The following PDE6B variants were observed in gnomAD, a reference collection of about 807,000 sequenced individuals.
PDE6B encodes phosphodiesterase 6B.
A neutral mutation model predicts 109.0 loss-of-function variants in PDE6B; 106 were observed. That is an observed-to-expected ratio of 0.97 (90% CI 0.83 to 1.14). PDE6B has a LOEUF of 1.14. Among genes scored for constraint, PDE6B ranks in the 50% most tolerant of loss-of-function variants. The probability of loss-of-function intolerance (pLI) is 0.00; values close to 1 mark genes in which losing one functional copy is unlikely to be tolerated. For synonymous variants in PDE6B, 490 were observed against 471.3 expected (o/e 1.04, Z -0.51); for missense variants, 1,193 against 1,155.6 (o/e 1.03, Z -0.47).
chr4:670,108 G>C lies in PDE6B; in HGVS notation c.*1G>C. On this transcript the variant is annotated 3_prime_UTR_variant, in exon 22 of 22. Transcript: ENST00000496514. ...GTCTTCAACCTGCTGTATCCTGTGA[G>C]CACTGGTCCCATGGGGACCCTATGG... 2 of 1,611,850 alleles carry C rather than the reference G, an allele frequency of 1.2e-6. No individual in the cohort carries two copies. The highest frequency in any genetic ancestry group is 4.5e-5 in the East Asian group (2 of 44,872).
chr4:664,733 G>T (rs907871858), intron 17 of PDE6B, 148 bp from the exon 18 acceptor site: 3 of 744,732 alleles, frequency 4.0e-6, no homozygotes, highest in Non-Finnish European at 7.5e-6. Context: ...CAAGAATCGG[G>T]AGGCGGAGGT....
At chr4:656,792 C>T in intron 8 of PDE6B, 82 bp from the exon 9 acceptor site, 1 of 1,311,144 alleles carries the variant, frequency 7.6e-7, no homozygotes, top group South Asian at 1.2e-5. Flanking sequence ...GGGGAGAAGA[C>T]ATGAGGTCAC....
In PDE6B at chr4:653,160, G is replaced by A. The variant is rs1035991677; in HGVS notation, c.712-692G>A. The A allele has an allele frequency of 1.0e-5, 10 of 991,508 alleles. No homozygotes were observed. In the Admixed American group the frequency reaches 2.8e-4, roughly 28 times the overall value. 61.4% of individuals were successfully genotyped at this position (991,508 alleles called of 1,614,324 possible). On this transcript the variant is annotated intron_variant, in intron 3 of 21. Coordinates refer to ENST00000496514, the MANE Select transcript of PDE6B (RefSeq NM_000283.4). ...GGAACTTCAGAGGGCCTGGCAGGGA[G>A]AGAGCTGGGCTAGGACACCGCAGCG...
intron 20 of PDE6B, among the ~76,000 whole-genome samples, chr4:667,037 C>T (rs903659422): frequency 2.6e-5 from 4 of 152,208 alleles, no homozygotes; most frequent in Non-Finnish European, 4.4e-5. Flanking sequence ...CTGGTGCACC[C>T]GCCCACAGGG....
chr4:670,257 T>C lies in PDE6B; in HGVS notation c.*150T>C. The C allele has an allele frequency of 2.4e-6, 3 of 1,261,106 alleles. No individual in the cohort carries two copies. The highest frequency in any genetic ancestry group is 3.2e-6 in the Non-Finnish European group (3 of 934,876). 78.1% of individuals were successfully genotyped at this position (1,261,106 alleles called of 1,614,324 possible). A position where few individuals can be genotyped will look rare whatever the true frequency, so the allele number is the denominator to read the frequency against. On this transcript the variant is annotated 3_prime_UTR_variant, in exon 22 of 22. Transcript: ENST00000496514. The stretch of plus-strand genomic sequence containing the variant: ...TATTTTAATTTTTTTTTTTTTTTTT[T>C]TTTGAGATGGAGTCTTGCTCTGTCA...
intron 12 of PDE6B, chr4:661,625 A>G (rs1737111306): frequency 6.5e-6 from 1 of 155,002 alleles, no homozygotes; most frequent in African/African-American, 2.4e-5. Flanking sequence ...GCAGAATAAA[A>G]AATATTTCCA....
rs1737497585 is a variant in PDE6B at position 664,187 on chromosome 4, C to T, written c.2095C>T (p.Leu699=). ...YQDKKSWVEY[L]SLETTRKEIV... is the part of the protein sequence containing the mutation. ...GGACAAGAAGAGCTGGGTGGAGTACCTGTCCCTGGAGACGACCCGGAAGGA... is the reference window on the plus strand; with the variant it reads ...GGACAAGAAGAGCTGGGTGGAGTACTTGTCCCTGGAGACGACCCGGAAGGA... The change falls in exon 17 of 22, where the codon CTG becomes TTG. Residue 699 remains leucine, a synonymous_variant. Coordinates refer to ENST00000496514, the MANE Select transcript of PDE6B (RefSeq NM_000283.4). 6.2e-7 allele frequency: 1 copy of T among 1,610,394 alleles called. No individual in the cohort carries two copies. The highest frequency in any genetic ancestry group is 8.5e-7 in the Non-Finnish European group (1 of 1,176,920).
chr4:655,278 G>C, intron 6 of PDE6B: 1 of 321,240 alleles, frequency 3.1e-6, no homozygotes, highest in Admixed American at 4.6e-5. Flanking sequence ...AGGAGGCCGA[G>C]TCTTGGCCCC....
intron 4 of PDE6B, 21 bp downstream of exon 4, chr4:654,013 G>T: frequency 6.2e-7 from 1 of 1,613,696 alleles, no homozygotes; most frequent in Non-Finnish European, 8.5e-7. Flanking sequence ...CGTGGCTCAG[G>T]GACCCCCTGC....
intron 3 of PDE6B, among the ~76,000 whole-genome samples, chr4:650,031 AGCTTCCATG>A (rs1735420104): frequency 6.6e-6 from 1 of 152,210 alleles, no homozygotes; most frequent in African/African-American, 2.4e-5. Context: ...ACACAACCTC[AGCTTCCATG>A]CAGCCCAGAA....
chr4:665,392 C>A lies in PDE6B; in HGVS notation c.2268+63C>A. 9.0e-7 allele frequency: 1 copy of A among 1,114,860 alleles called. No individual in the cohort carries two copies. Among genetic ancestry groups the A allele is most frequent in the Non-Finnish European group, 1.4e-6 (1 of 731,852 alleles). 69.1% of individuals were successfully genotyped at this position (1,114,860 alleles called of 1,614,324 possible). A position where few individuals can be genotyped will look rare whatever the true frequency, so the allele number is the denominator to read the frequency against. ...GGTGTTAGAGACCCCTCTTGGTCCT[C>A]AGGAGCCTCAGGTCCTGGCTTGGTC... On this transcript the variant is annotated intron_variant, in intron 19 of 21. Transcript: ENST00000496514. This position sits in a 1 kb window ranked among gnomAD's most constrained non-coding sequence, Gnocchi z 4.0.
chr4:628,119 A>G (rs28665728), intron 1 of PDE6B, among the ~76,000 whole-genome samples: 3,629 of 152,306 alleles, frequency 0.024, 145 homozygotes, highest in African/African-American at 0.084. Flanking sequence ...TCTCAGACTA[A>G]GGGAACAGAA....
At chr4:641,636 C>T (rs932644035) in intron 3 of PDE6B, among the ~76,000 whole-genome samples, 1 of 151,566 alleles carries the variant, frequency 6.6e-6, no homozygotes, top group Non-Finnish European at 1.5e-5. Flanking sequence ...CAGAGACACA[C>T]GTTTTTTGTT....
Position 656,092 on chromosome 4 carries a change from C to G in PDE6B, c.1059+86C>G, listed in dbSNP as rs915962227. The G allele has an allele frequency of 2.4e-4, 253 of 1,056,862 alleles. 3 individuals carry two copies. Among genetic ancestry groups the G allele is most frequent in the South Asian group, 8.4e-4 (67 of 79,634 alleles). 65.5% of individuals were successfully genotyped at this position (1,056,862 alleles called of 1,614,324 possible). ...GCTTCTCCTTGTCTCTGCCACGTCC[C>G]GCCCTCCCGGCCAGCTCCACGTGCC... On this transcript the variant is annotated intron_variant, in intron 7 of 21. Coordinates refer to ENST00000496514, the MANE Select transcript of PDE6B (RefSeq NM_000283.4).
At chr4:656,745 C>A in intron 8 of PDE6B, 129 bp from the exon 9 acceptor site, 1 of 777,018 alleles carries the variant, frequency 1.3e-6, no homozygotes, top group Non-Finnish European at 2.2e-6. Context: ...ATGCAGAGAG[C>A]AGAGACAGGA....
chr4:631,853 G>T (rs143988192), intron 1 of PDE6B, among the ~76,000 whole-genome samples: 300 of 151,610 alleles, frequency 2.0e-3, no homozygotes, highest in Non-Finnish European at 3.3e-3. Context: ...ACCATCTGAG[G>T]GTCACGTTGT....
In PDE6B at chr4:653,858, C is replaced by A. The variant is rs767081247; in HGVS notation, c.718C>A (p.Leu240Met). 1 of 1,613,640 alleles carries A rather than the reference C, an allele frequency of 6.2e-7. No individual in the cohort carries two copies. Among genetic ancestry groups the A allele is most frequent in the East Asian group, 2.2e-5 (1 of 44,870 alleles). The part of the protein sequence containing the change: ...NCETRRGQVL[L>M]WSANKVFEEL... Reference sequence around the variant, plus strand: ...GGTGTGCCCCTCCCTCCAGGTGCTGCTGTGGTCGGCCAACAAGGTGTTTGA... The same window carrying A: ...GGTGTGCCCCTCCCTCCAGGTGCTGATGTGGTCGGCCAACAAGGTGTTTGA... The change falls in exon 4 of 22, where the codon CTG becomes ATG. Residue 240 changes from leucine to methionine, a missense_variant. Coordinates refer to ENST00000496514, the MANE Select transcript of PDE6B (RefSeq NM_000283.4).
rs971944180 is a variant in PDE6B, at chr4:648,082, A to G, written c.712-5770A>G. On this transcript the variant is annotated intron_variant, in intron 3 of 21. Transcript: ENST00000496514. This position sits in a 1 kb window ranked among gnomAD's most constrained non-coding sequence, Gnocchi z 4.5. ...AAGAGCAAAACTCCATCTCGAAAAAAAAAAGAAAGAAAGAGCCAAGAGTCA... is the reference window on the plus strand; with the variant it reads ...AAGAGCAAAACTCCATCTCGAAAAAGAAAAGAAAGAAAGAGCCAAGAGTCA... Among the ~76,000 whole-genome samples, 1 of 151,840 alleles carries G rather than the reference A, an allele frequency of 6.6e-6. No homozygotes were observed. The highest frequency in any genetic ancestry group is 2.4e-5 in the African/African-American group (1 of 41,180).
chr4:662,684 G>T lies in PDE6B; in HGVS notation c.1832+66G>T. On this transcript the variant is annotated intron_variant, in intron 14 of 21. Transcript: ENST00000496514. This position sits in a 1 kb window ranked among gnomAD's most constrained non-coding sequence, Gnocchi z 4.3. ...AACTCCACGCCCTTGGCGTGAATTA[G>T]GCTTCGCATAGCAGGCTATGTAGAA... 1 of 1,020,246 alleles carries T rather than the reference G, an allele frequency of 9.8e-7. No individual in the cohort carries two copies. The highest frequency in any genetic ancestry group is 1.6e-6 in the Non-Finnish European group (1 of 641,342). The allele number at this position is 1,020,246 out of a possible 1,614,324, so 63.2% of individuals were successfully genotyped here. A position where few individuals can be genotyped will look rare whatever the true frequency, so the allele number is the denominator to read the frequency against.
Sources: allele counts gnomAD v4.1 joint callset (sites outside exome capture counted in the v4.1 genomes callset), GRCh38; gene constraint gnomAD v4.1.1; non-coding constraint Gnocchi (gnomAD v3.1); transcripts MANE v1.5; gene names NCBI Gene and HGNC (gene_info 2026-07-23, HGNC 2026-07-21).